The following FBXL2 variants were observed in gnomAD, a reference collection of about 807,000 sequenced individuals.
FBXL2 encodes F-box/LRR-repeat protein 2.
FBXL2 carries 38 observed loss-of-function variants against 69.2 expected under a neutral mutation model. That is an observed-to-expected ratio of 0.55 (90% confidence interval 0.42 to 0.72). The LOEUF (loss-of-function observed/expected upper bound fraction) is 0.72. Among genes scored for constraint, FBXL2 ranks in the 30% least tolerant of loss-of-function variants. The pLI is 0.00. For missense variants in FBXL2, 354 were observed against 520.3 expected, an observed-to-expected ratio of 0.68 and a Z score of 3.11; for synonymous variants, 192 against 201.3, an observed-to-expected ratio of 0.95 and a Z score of 0.39.
At chr3:33,409,481 G>T in the FBXL2 span, 2 of 1,614,198 alleles carry the variant, frequency 1.2e-6, no homozygotes, top group Non-Finnish European at 1.7e-6. Context: ...CTAGCTGAGT[G>T]TAGATGATCT....
rs199530376 is a variant in FBXL2, at chr3:33,313,226, G to A, written c.65+15501G>A. On this transcript the variant is annotated intron_variant, in intron 2 of 14. Coordinates refer to ENST00000484457, the MANE Select transcript of FBXL2 (RefSeq NM_012157.5). The stretch of plus-strand genomic sequence containing the variant: ...TGAAAGTCACAACCTACCAAAACTC[G>A]CAAAGAAATAGATAATCTAAAGAAT... 1.1e-4 allele frequency among the ~76,000 whole-genome samples: 16 copies of A among 149,846 alleles called. 1 individual carries two copies. In the East Asian group the frequency reaches 2.1e-3, roughly 20 times the overall value.
At position 33,373,691 on chromosome 3, in the gene FBXL2, G is replaced by A. The variant is rs756683169; in HGVS notation, c.569G>A (p.Arg190Lys). The A allele has an allele frequency of 3.7e-6, 6 of 1,614,068 alleles. No homozygotes were observed. In the Admixed American group the frequency reaches 8.3e-5, roughly 22 times the overall value. Residue 190 changes from arginine to lysine, a missense_variant, in exon 8 of 15, where the codon AGG (arginine) becomes AAG (lysine). Coordinates refer to ENST00000484457, the MANE Select transcript of FBXL2 (RefSeq NM_012157.5). The stretch of plus-strand genomic sequence containing the variant: ...CGAGGCCTGAAAGCCCTGCTCCTGA[G>A]GGGCTGCACACAGGTACCAGAGGGT... ...GCRGLKALLL[R>K]GCTQLEDEAL...
In FBXL2 at chr3:33,373,648, G is replaced by A. The variant is rs1213528744; in HGVS notation, c.526G>A (p.Ala176Thr). 6.2e-7 allele frequency: 1 copy of A among 1,614,194 alleles called. No individual in the cohort carries two copies. The highest frequency in any genetic ancestry group is 1.1e-5 in the South Asian group (1 of 91,078). ...CDQITKDGIE[A>T]LVRGCRGLKA... Reference sequence around the variant, plus strand: ...TCAGATCACGAAGGATGGCATCGAGGCACTGGTGCGAGGTTGTCGAGGCCT... The same window carrying A: ...TCAGATCACGAAGGATGGCATCGAGACACTGGTGCGAGGTTGTCGAGGCCT... Residue 176 changes from alanine to threonine, a missense_variant, in exon 8 of 15, where the codon GCA becomes ACA. Coordinates refer to ENST00000484457, the MANE Select transcript of FBXL2 (RefSeq NM_012157.5).
intron 5 of FBXL2, chr3:33,372,505 G>A (rs1302535476): frequency 1.9e-5 from 3 of 158,162 alleles, no homozygotes; most frequent in Non-Finnish European, 2.8e-5. Flanking sequence ...GTGGTGAATA[G>A]GGCGTTTTAA....
In FBXL2 at chr3:33,373,671, C is replaced by T; in HGVS notation, c.549C>T (p.Gly183=). 6.2e-7 allele frequency: 1 copy of T among 1,614,164 alleles called. No homozygotes were observed. Among genetic ancestry groups the T allele is most frequent in the Non-Finnish European group, 8.5e-7 (1 of 1,180,024 alleles). ...AGGCACTGGTGCGAGGTTGTCGAGG[C>T]CTGAAAGCCCTGCTCCTGAGGGGCT... is the stretch of plus-strand genomic sequence containing the variant. ...GIEALVRGCR[G]LKALLLRGCT... The change falls in exon 8 of 15, where the codon GGC becomes GGT. Residue 183 remains glycine (G), a synonymous_variant. Coordinates refer to ENST00000484457, the MANE Select transcript of FBXL2 (RefSeq NM_012157.5).
intron 2 of FBXL2, among the ~76,000 whole-genome samples, chr3:33,344,552 G>C (rs2040295618): frequency 6.6e-6 from 1 of 152,062 alleles, no homozygotes; most frequent in Non-Finnish European, 1.5e-5. Flanking sequence ...AAATCAATGT[G>C]TAAGTGTTCA....
chr3:33,321,743 G>C (rs903952610), intron 2 of FBXL2, among the ~76,000 whole-genome samples: 3 of 152,170 alleles, frequency 2.0e-5, no homozygotes, highest in Non-Finnish European at 4.4e-5. Context: ...CTACACACCT[G>C]TATGACATGT....
intron 12 of FBXL2, among the ~76,000 whole-genome samples, chr3:33,394,720 AGAAGCTG>A (rs769809891): frequency 4.6e-5 from 7 of 152,200 alleles, no homozygotes; most frequent in Non-Finnish European, 1.0e-4. Flanking sequence ...ATTACATAAA[AGAAGCTG>A]GAACTAAAAT....
the FBXL2 span, among the ~76,000 whole-genome samples, chr3:33,416,471 A>G: frequency 6.6e-6 from 1 of 152,162 alleles, no homozygotes; most frequent in Non-Finnish European, 1.5e-5. Flanking sequence ...TCCCCATATT[A>G]TCTTTTACTT....
chr3:33,321,718 C>T lies in FBXL2; in HGVS notation c.65+23993C>T, dbSNP rs1257414050. Among the ~76,000 whole-genome samples, 9 of 152,158 alleles carry T rather than the reference C, an allele frequency of 5.9e-5. No individual in the cohort carries two copies. In the South Asian group the frequency reaches 1.0e-3, roughly 18 times the overall value. On this transcript the variant is annotated intron_variant, in intron 2 of 14. Coordinates refer to ENST00000484457, the MANE Select transcript of FBXL2 (RefSeq NM_012157.5). ...TGCATATCTAGGCTGTATGGTATAG[C>T]GTGTTGCTCCTAGGCTACACACCTG...
chr3:33,348,701 C>T (rs1325205440), intron 2 of FBXL2, among the ~76,000 whole-genome samples: 2 of 152,000 alleles, frequency 1.3e-5, no homozygotes, highest in African/African-American at 4.8e-5. Flanking sequence ...TGGGTGACAA[C>T]AACAAAACAA....
At chr3:33,285,979 C>T (rs1242137125) in intron 1 of FBXL2, among the ~76,000 whole-genome samples, 1 of 152,136 alleles carries the variant, frequency 6.6e-6, no homozygotes, top group Non-Finnish European at 1.5e-5. Context: ...GCGATGGGTT[C>T]GAACATCCTC....
intron 9 of FBXL2, among the ~76,000 whole-genome samples, 165 bp downstream of exon 9, chr3:33,374,086 GAAC>G (rs201282119): frequency 9.2e-5 from 14 of 152,010 alleles, no homozygotes; most frequent in Non-Finnish European, 1.3e-4. Context: ...TCACAAGCTG[GAAC>G]AACAACAACA....
At chr3:33,279,084 T>A (rs1040591005) in intron 1 of FBXL2, among the ~76,000 whole-genome samples, 2 of 152,228 alleles carry the variant, frequency 1.3e-5, no homozygotes, top group Non-Finnish European at 2.9e-5. Flanking sequence ...TGTAGTTTTG[T>A]ATTAGTGGTT....
chr3:33,342,002 ATC>A (rs2040058316), intron 2 of FBXL2, among the ~76,000 whole-genome samples: 1 of 132,288 alleles, frequency 7.6e-6, no homozygotes, highest in South Asian at 2.4e-4. Context: ...TCTTTTCTTT[ATC>A]TTTTTTTTTT....
chr3:33,357,299 T>C (rs2041269438), intron 2 of FBXL2, among the ~76,000 whole-genome samples: 1 of 152,196 alleles, frequency 6.6e-6, no homozygotes, highest in Non-Finnish European at 1.5e-5. Context: ...AATATGATTC[T>C]ACTGTACCAG....
chr3:33,365,244 T>C (rs997168099), intron 5 of FBXL2, among the ~76,000 whole-genome samples: 1 of 151,890 alleles, frequency 6.6e-6, no homozygotes, highest in Non-Finnish European at 1.5e-5. Flanking sequence ...CAACCAAATA[T>C]TTGCCCATCT....
intron 10 of FBXL2, among the ~76,000 whole-genome samples, chr3:33,376,671 G>A (rs949357561): frequency 6.6e-6 from 1 of 152,170 alleles, no homozygotes; most frequent in Non-Finnish European, 1.5e-5. Context: ...ATCTCAAGAT[G>A]ATTTTGTTGA....
At chr3:33,352,682 G>A (rs1054122809) in intron 2 of FBXL2, among the ~76,000 whole-genome samples, 1 of 152,214 alleles carries the variant, frequency 6.6e-6, no homozygotes, top group African/African-American at 2.4e-5. Context: ...GATCACTTAA[G>A]GTCAGGAGTT....
Sources: gnomAD v4.1 joint callset for allele counts (sites outside exome capture counted in the v4.1 genomes callset) on GRCh38, gnomAD v4.1.1 for gene constraint, MANE v1.5 for transcripts, NCBI Gene and HGNC (gene_info 2026-07-23, HGNC 2026-07-21) for gene names.